KCNU1: variants seen among roughly 807,000 people sequenced by gnomAD.
KCNU1 encodes the protein potassium calcium-activated channel subfamily U member 1.
KCNU1 carries 93 observed loss-of-function variants against 126.8 expected under a neutral mutation model. That is an observed-to-expected ratio of 0.73 (90% CI 0.62 to 0.87). The LOEUF (loss-of-function observed/expected upper bound fraction) is 0.87. Ranked by LOEUF, KCNU1 falls within the 40% of genes least tolerant of loss-of-function variation. The pLI, the probability that KCNU1 is intolerant of heterozygous loss-of-function variation, is 0.00. For missense variants in KCNU1, 1,330 were observed against 1,367.1 expected, an observed-to-expected ratio of 0.97 and a Z score of 0.43; for synonymous variants, 523 against 494.2, an observed-to-expected ratio of 1.06 and a Z score of -0.77.
At chr8:36,896,695 G>T (rs897518555) in intron 19 of KCNU1, among the ~76,000 whole-genome samples, 1 of 152,008 alleles carries the variant, frequency 6.6e-6, no homozygotes, top group Non-Finnish European at 1.5e-5. Context: ...GTTGGAGGAA[G>T]ATTTCAGAGA....
At chr8:36,829,580 T>C (rs1190240060) in intron 10 of KCNU1, among the ~76,000 whole-genome samples, 1 of 151,364 alleles carries the variant, frequency 6.6e-6, no homozygotes, top group Non-Finnish European at 1.5e-5. Context: ...TTATTTTTTT[T>C]TATAGTTGAC....
At chr8:36,799,404 T>C (rs1803221340) in intron 2 of KCNU1, among the ~76,000 whole-genome samples, 1 of 152,122 alleles carries the variant, frequency 6.6e-6, no homozygotes, top group Admixed American at 6.6e-5. Context: ...TCAGGTTAGT[T>C]TTCAGTTCAG....
chr8:36,841,043 T>C, intron 16 of KCNU1, 40 bp downstream of exon 16: 1 of 1,285,842 alleles, frequency 7.8e-7, no homozygotes, highest in East Asian at 2.4e-5. Flanking sequence ...TGTTTTTTTT[T>C]TTTTTTTTTT....
At chr8:36,862,055 G>A (rs753767866) in intron 18 of KCNU1, among the ~76,000 whole-genome samples, 18 of 152,012 alleles carry the variant, frequency 1.2e-4, no homozygotes, top group Non-Finnish European at 1.6e-4. Flanking sequence ...AATCTGTAAG[G>A]TATCCATAGG....
chr8:36,928,915 G>A (rs1808612955), intron 24 of KCNU1: 4 of 640,358 alleles, frequency 6.2e-6, no homozygotes, highest in African/African-American at 1.9e-5. Flanking sequence ...GGAGATCTGG[G>A]ATCCCAGAAA....
In KCNU1 at chr8:36,936,115, T is replaced by A. The variant is rs976438703; in HGVS notation, c.*195T>A. 4.4e-6 allele frequency: 2 copies of A among 459,596 alleles called. No individual in the cohort carries two copies. The highest frequency in any genetic ancestry group is 4.0e-5 in the African/African-American group (2 of 50,038). 28.5% of individuals were successfully genotyped at this position (459,596 alleles called of 1,614,324 possible). A position where few individuals can be genotyped will look rare whatever the true frequency, so the allele number is the denominator to read the frequency against. On this transcript the variant is annotated 3_prime_UTR_variant, in exon 27 of 27. Transcript: ENST00000399881. ...GGATCTTGTGTGATAAATAAAGAAA[T>A]ATATGATCAATGCTTCTGTAAGGAA...
chr8:36,923,293 C>T (rs1248271288), intron 24 of KCNU1, among the ~76,000 whole-genome samples: 1 of 152,088 alleles, frequency 6.6e-6, no homozygotes, highest in Non-Finnish European at 1.5e-5. Context: ...AAGCCTTATC[C>T]ACATGGGGCC....
At chr8:36,892,280 ACTT>A (rs1806992557) in intron 19 of KCNU1, among the ~76,000 whole-genome samples, 1 of 152,028 alleles carries the variant, frequency 6.6e-6, no homozygotes. Context: ...CAGTTATTGT[ACTT>A]CTTAACTCCA....
At chr8:36,813,366 A>G (rs1803792047) in intron 7 of KCNU1, among the ~76,000 whole-genome samples, 1 of 152,102 alleles carries the variant, frequency 6.6e-6, no homozygotes, top group Non-Finnish European at 1.5e-5. Context: ...CTAAGATTTT[A>G]TCATCTTTTG....
chr8:36,801,041 T>G, intron 2 of KCNU1, among the ~76,000 whole-genome samples: 1 of 152,208 alleles, frequency 6.6e-6, no homozygotes, highest in Non-Finnish European at 1.5e-5. Flanking sequence ...TGAACCATAT[T>G]AGCCACATGG....
intron 14 of KCNU1, among the ~76,000 whole-genome samples, chr8:36,837,822 T>C (rs1222863982): frequency 6.6e-6 from 1 of 152,212 alleles, no homozygotes; most frequent in Non-Finnish European, 1.5e-5. Context: ...TTGCAGAGAA[T>C]GACCTTACTT....
Position 36,873,600 on chromosome 8 carries a change from A to G in KCNU1, c.2009+9079A>G, listed in dbSNP as rs544578476. On this transcript the variant is annotated intron_variant, in intron 19 of 26. Coordinates refer to ENST00000399881, the MANE Select transcript of KCNU1 (RefSeq NM_001031836.3). Reference sequence around the variant, plus strand: ...GAGAGGGTTAAGAAAAGGCACTTTTAACAAATTCTTCTCCTTGAACGCCCT... The same window carrying G: ...GAGAGGGTTAAGAAAAGGCACTTTTGACAAATTCTTCTCCTTGAACGCCCT... Among the ~76,000 whole-genome samples the G allele has an allele frequency of 5.3e-5, 8 of 152,328 alleles. No homozygotes were observed. In the East Asian group the frequency reaches 5.8e-4, roughly 11 times the overall value.
rs796992485 is a variant in KCNU1 at position 36,906,434 on chromosome 8, G to T, written c.2106+630G>T. ...CTGCAACTAAGATGGAAAAAGTCTT[G>T]TATCCTAACCCAGGGTCTGGCACCT... On this transcript the variant is annotated intron_variant, in intron 20 of 26. Transcript: ENST00000399881. Among the ~76,000 whole-genome samples the T allele has an allele frequency of 5.9e-5, 9 of 152,146 alleles. 1 individual carries two copies. The highest frequency in any genetic ancestry group is 2.2e-4 in the African/African-American group (9 of 41,498).
At chr8:36,858,258 A>G (rs1585470798) in intron 18 of KCNU1, among the ~76,000 whole-genome samples, 1 of 150,122 alleles carries the variant, frequency 6.7e-6, no homozygotes, top group African/African-American at 2.4e-5. Flanking sequence ...CCCTATTTCT[A>G]CAGGGTAATT....
intron 19 of KCNU1, among the ~76,000 whole-genome samples, chr8:36,895,830 T>C (rs755142294): frequency 1.3e-5 from 2 of 152,078 alleles, no homozygotes; most frequent in Non-Finnish European, 2.9e-5. Flanking sequence ...GTGATTAATC[T>C]GCAACATAAT....
At chr8:36,875,098 C>T (rs1806232831) in intron 19 of KCNU1, among the ~76,000 whole-genome samples, 1 of 151,972 alleles carries the variant, frequency 6.6e-6, no homozygotes, top group Non-Finnish European at 1.5e-5. Context: ...AATCATAAGG[C>T]CATGTATAAA....
chr8:36,841,071 G>A, intron 16 of KCNU1, 68 bp downstream of exon 16: 1 of 918,794 alleles, frequency 1.1e-6, no homozygotes, highest in Non-Finnish European at 1.6e-6. Flanking sequence ...GAGATTCTTT[G>A]TGATTAAGAA....
intron 18 of KCNU1, among the ~76,000 whole-genome samples, chr8:36,860,422 C>G (rs1805687258): frequency 6.6e-6 from 1 of 152,118 alleles, no homozygotes; most frequent in South Asian, 2.1e-4. Context: ...ACCAGTAGGG[C>G]TAAGCCTTCA....
chr8:36,902,652 C>T (rs1018753459), intron 19 of KCNU1, among the ~76,000 whole-genome samples: 3 of 152,044 alleles, frequency 2.0e-5, no homozygotes, highest in Admixed American at 6.6e-5. Flanking sequence ...GTCTAGGAAG[C>T]GACTCTTAGA....
Sources: gnomAD v4.1 joint callset for allele counts (sites outside exome capture counted in the v4.1 genomes callset) on GRCh38, gnomAD v4.1.1 for gene constraint, MANE v1.5 for transcripts, NCBI Gene and HGNC (gene_info 2026-07-23, HGNC 2026-07-21) for gene names.